The following ADGRL2 variants were observed in gnomAD, a reference collection of about 807,000 sequenced individuals.
The protein encoded by ADGRL2 is calcium-independent alpha-latrotoxin receptor 2.
In ADGRL2, 44 loss-of-function variants were observed where a neutral mutation model predicts 157.4. The observed-to-expected ratio is 0.28, with a 90% CI of 0.22 to 0.36. The LOEUF (loss-of-function observed/expected upper bound fraction) is 0.36. Among genes scored for constraint, ADGRL2 ranks in the 10% least tolerant of loss-of-function variants. The probability of loss-of-function intolerance (pLI) is 1.00; values close to 1 mark genes in which losing one functional copy is unlikely to be tolerated. For missense variants in ADGRL2, 1,510 were observed against 1,768.9 expected, an observed-to-expected ratio of 0.85 and a Z score of 2.63; for synonymous variants, 585 against 624.7, an observed-to-expected ratio of 0.94 and a Z score of 0.95.
chr1:81,659,457 AC>A (rs1340989850), intron 3 of ADGRL2, among the ~76,000 whole-genome samples: 1 of 152,170 alleles, frequency 6.6e-6, no homozygotes, highest in African/African-American at 2.4e-5. Context: ...GTAGAGGGGA[AC>A]CACTCTGCAA....
chr1:81,571,574 G>A (rs950481749), intron 2 of ADGRL2, among the ~76,000 whole-genome samples: 11 of 151,240 alleles, frequency 7.3e-5, no homozygotes, highest in East Asian at 1.9e-4. Context: ...TTGTTTGTCC[G>A]GCCCATAAAA....
At chr1:81,432,897 T>A (rs1048962602) in intron 1 of ADGRL2, among the ~76,000 whole-genome samples, 8 of 152,178 alleles carry the variant, frequency 5.3e-5, no homozygotes, top group Non-Finnish European at 8.8e-5. Context: ...TGGTTGTGTA[T>A]ACAGAGTTTC....
chr1:81,741,668 AC>A (rs2085078026), intron 1 of ADGRL2, among the ~76,000 whole-genome samples: 1 of 151,988 alleles, frequency 6.6e-6, no homozygotes, highest in Admixed American at 6.6e-5. Flanking sequence ...ACCAAAGACA[AC>A]TTTTAAATAT....
intron 3 of ADGRL2, among the ~76,000 whole-genome samples, chr1:81,693,282 T>A (rs1373568023): frequency 6.6e-6 from 1 of 152,116 alleles, no homozygotes; most frequent in African/African-American, 2.4e-5. Context: ...TAAACCTGAG[T>A]CCTAGTGCTC....
chr1:81,750,440 T>G (rs2149264311), intron 1 of ADGRL2, among the ~76,000 whole-genome samples: 1 of 152,248 alleles, frequency 6.6e-6, no homozygotes, highest in South Asian at 2.1e-4. Context: ...AAAGTATGGC[T>G]GGGCCAGGTG....
chr1:81,430,623 A>G (rs531385206), intron 1 of ADGRL2, among the ~76,000 whole-genome samples: 4 of 151,282 alleles, frequency 2.6e-5, no homozygotes, highest in South Asian at 4.2e-4. Context: ...CCAGCCCCCC[A>G]CTGATGTTAA....
At chr1:81,392,518 A>C (rs1372585244) in intron 1 of ADGRL2, among the ~76,000 whole-genome samples, 1 of 152,148 alleles carries the variant, frequency 6.6e-6, no homozygotes, top group Non-Finnish European at 1.5e-5. Flanking sequence ...TATCTATATT[A>C]GAGTAGTATT....
At chr1:81,686,831 G>C (rs193246687) in intron 3 of ADGRL2, among the ~76,000 whole-genome samples, 9 of 152,218 alleles carry the variant, frequency 5.9e-5, no homozygotes, top group Non-Finnish European at 8.8e-5. Context: ...TTGATAAGTT[G>C]TATCATAATT....
chr1:81,432,390 A>T (rs1029096554), intron 1 of ADGRL2, among the ~76,000 whole-genome samples: 2 of 152,214 alleles, frequency 1.3e-5, no homozygotes, highest in African/African-American at 4.8e-5. Flanking sequence ...GTTGTCAAGG[A>T]TTCAGATGAG....
intron 1 of ADGRL2, among the ~76,000 whole-genome samples, chr1:81,429,138 C>CT (rs60847229): frequency 9.5e-5 from 14 of 147,914 alleles, no homozygotes; most frequent in African/African-American, 2.7e-4. Flanking sequence ...TCAAAAGCAG[C>CT]TTTTTTTTTT....
At chr1:81,726,445 G>A (rs2084532111) in intron 1 of ADGRL2, among the ~76,000 whole-genome samples, 1 of 152,134 alleles carries the variant, frequency 6.6e-6, no homozygotes, top group Non-Finnish European at 1.5e-5. Context: ...TACTCAAAAT[G>A]TGCTTAAGGC....
intron 2 of ADGRL2, among the ~76,000 whole-genome samples, chr1:81,494,980 C>CTATTA (rs1015119525): frequency 2.3e-4 from 35 of 152,178 alleles, no homozygotes; most frequent in African/African-American, 8.4e-4. Context: ...AGATAGATAA[C>CTATTA]TATTAACTCC....
rs183794966 is a variant in ADGRL2, at chr1:81,571,601, G to A, written c.-247-9275G>A. Among the ~76,000 whole-genome samples the A allele has an allele frequency of 2.3e-3, 355 of 151,700 alleles. 2 individuals are homozygous for A. Among genetic ancestry groups the A allele is most frequent in the African/African-American group, 8.0e-3 (329 of 41,362 alleles). ...CCCATAAAATATTGTACAATTTTAG[G>A]AAAGCTGACAGCACCATCAAGATAG... On this transcript the variant is annotated intron_variant, in intron 2 of 24. Transcript: ENST00000370721.
At chr1:81,513,903 T>C (rs548957424) in intron 2 of ADGRL2, 1 of 152,166 alleles carries the variant, frequency 6.6e-6, no homozygotes, top group Non-Finnish European at 1.5e-5. Context: ...TAAAGTTTAT[T>C]TTAGCTTATT....
At chr1:81,949,242 G>A (rs190326411) in intron 6 of ADGRL2, among the ~76,000 whole-genome samples, 1 of 152,158 alleles carries the variant, frequency 6.6e-6, no homozygotes, top group Admixed American at 6.5e-5. Context: ...TTAAGTGGTA[G>A]TATTAAATTT....
chr1:81,348,825 C>A lies in ADGRL2; in HGVS notation c.-302+42316C>A, dbSNP rs961852782. On this transcript the variant is annotated intron_variant, in intron 1 of 24. Transcript: ENST00000370721. ...AAACAATTACATTATATAAACCAAC[C>A]ATCTGAGAAGAGATGATAATTAAAG... Among the ~76,000 whole-genome samples, 6 of 152,142 alleles carry A rather than the reference C, an allele frequency of 3.9e-5. 1 individual carries two copies. Among genetic ancestry groups the A allele is most frequent in the Admixed American group, 3.3e-4 (5 of 15,272 alleles).
chr1:81,344,692 C>CAG (rs1662349892), intron 1 of ADGRL2, among the ~76,000 whole-genome samples: 1 of 121,920 alleles, frequency 8.2e-6, no homozygotes, highest in Admixed American at 8.4e-5. Flanking sequence ...AAAAAAAAAG[C>CAG]AGATTATATT....
intron 1 of ADGRL2, among the ~76,000 whole-genome samples, chr1:81,374,845 C>T (rs909575601): frequency 3.9e-5 from 6 of 152,208 alleles, no homozygotes; most frequent in African/African-American, 1.4e-4. Flanking sequence ...TTAGCTGGTA[C>T]TCATTTCATT....
rs565418390 is a variant in ADGRL2 at position 81,412,645 on chromosome 1, G to A, written c.-301-32391G>A. 4.6e-5 allele frequency among the ~76,000 whole-genome samples: 7 copies of A among 152,208 alleles called. No homozygotes were observed. The East Asian group carries it at 1.4e-3, about 29-fold the overall frequency. Reference sequence around the variant, plus strand: ...TAGTAATATTACTTGTTATGTAGCAGCCACCTAAAACACGTTGGATTTACA... The same window carrying A: ...TAGTAATATTACTTGTTATGTAGCAACCACCTAAAACACGTTGGATTTACA... On this transcript the variant is annotated intron_variant, in intron 1 of 24. Coordinates refer to the ADGRL2 transcript ENST00000370721.
Sources: allele counts gnomAD v4.1 joint callset (sites outside exome capture counted in the v4.1 genomes callset), GRCh38; gene constraint gnomAD v4.1.1; transcripts MANE v1.5; gene names NCBI Gene and HGNC (gene_info 2026-07-23, HGNC 2026-07-21).